ZNF676: variants seen among roughly 807,000 people sequenced by gnomAD.
The protein encoded by ZNF676 is zinc finger protein 676.
ZNF676 carries 4 observed loss-of-function variants against 6.0 expected under a neutral mutation model. The ratio of observed to expected loss-of-function variants is 0.67; its 90% CI spans 0.33 to 1.53. The LOEUF is 1.53. Among genes scored for constraint, ZNF676 ranks in the 40% most tolerant of loss-of-function variants. ZNF676 has a pLI of 0.06. For synonymous variants in ZNF676, 198 were observed against 223.1 expected, an observed-to-expected ratio of 0.89 and a Z score of 1.00; for missense variants, 644 against 679.7, an observed-to-expected ratio of 0.95 and a Z score of 0.58.
intron 1 of ZNF676, among the ~76,000 whole-genome samples, chr19:22,206,803 A>T (rs61545528): frequency 0.03 from 4,507 of 152,316 alleles, 229 homozygotes; most frequent in African/African-American, 0.1. Context: ...TACACGAATC[A>T]ATAAATGTGA....
Position 22,196,663 on chromosome 19 carries a change from A to C in ZNF676, c.-30T>G. The C allele has an allele frequency of 6.2e-7, 1 of 1,613,650 alleles. No individual in the cohort carries two copies. Among genetic ancestry groups the C allele is most frequent in the South Asian group, 1.1e-5 (1 of 91,046 alleles). On this transcript the variant is annotated 5_prime_UTR_variant, in exon 1 of 3. The change creates a new upstream start codon in the 5' untranslated region. Coordinates refer to ENST00000397121, the MANE Select transcript of ZNF676 (RefSeq NM_001001411.3). ...TTCCTATATAAATTCTGCTGTGTAG[A>C]ATCCAGGCATTGCCACTCCTCCAGA...
At position 22,182,950 on chromosome 19, in the gene ZNF676, G is replaced by A. The variant is rs76835339; in HGVS notation, c.131-1364C>T. Among the ~76,000 whole-genome samples the A allele has an allele frequency of 5.2e-3, 788 of 152,162 alleles. 8 individuals carry two copies. Among genetic ancestry groups the A allele is most frequent in the African/African-American group, 0.018 (754 of 41,536 alleles). On this transcript the variant is annotated intron_variant, in intron 2 of 2. Transcript: ENST00000397121. ...AGCACAGGAATTATTATAAACATCTGTTAATGAATATACAACATAAATAGA... is the reference window on the plus strand; with the variant it reads ...AGCACAGGAATTATTATAAACATCTATTAATGAATATACAACATAAATAGA...
exon 1 of ZNF676, chr19:22,215,662 C>T: frequency 6.2e-7 from 1 of 1,608,872 alleles, no homozygotes; most frequent in South Asian, 1.1e-5. Context: ...GTCCTGGCGA[C>T]TTAGTTGTGG....
the ZNF676 span, chr19:22,243,742 G>C: frequency 6.6e-6 from 1 of 152,260 alleles, no homozygotes; most frequent in Non-Finnish European, 1.5e-5. Context: ...ACAGGGTCTA[G>C]ATCAGAGAGT....
At chr19:22,259,273 A>G in the ZNF676 span, among the ~76,000 whole-genome samples, 13 of 152,204 alleles carry the variant, frequency 8.5e-5, no homozygotes, top group Admixed American at 8.5e-4. Context: ...GGCAGGACTC[A>G]GGAAGAAGAG....
chr19:22,210,207 A>C (rs1029341707), intron 1 of ZNF676, among the ~76,000 whole-genome samples: 3 of 152,030 alleles, frequency 2.0e-5, no homozygotes, highest in African/African-American at 2.4e-5. Context: ...TCTGGCACCA[A>C]ATCTGCAGAG....
chr19:22,187,886 C>G (rs1165905241), intron 2 of ZNF676, among the ~76,000 whole-genome samples: 1 of 152,008 alleles, frequency 6.6e-6, no homozygotes, highest in Non-Finnish European at 1.5e-5. Context: ...TATGGGCCTA[C>G]CAACCAAAAA....
At chr19:22,213,363 A>C (rs1334772437) in intron 1 of ZNF676, among the ~76,000 whole-genome samples, 1 of 152,166 alleles carries the variant, frequency 6.6e-6, no homozygotes, top group African/African-American at 2.4e-5. Flanking sequence ...TTTCCCCTTC[A>C]ATACCGGCAT....
upstream of ZNF676, among the ~76,000 whole-genome samples, chr19:22,200,322 A>C (rs2024012015): frequency 6.6e-6 from 1 of 152,076 alleles, no homozygotes; most frequent in Admixed American, 6.6e-5. Context: ...TAATAATAAC[A>C]ACTCTTCCAA....
intron 1 of ZNF676, among the ~76,000 whole-genome samples, chr19:22,204,232 G>C (rs138041713): frequency 6.6e-6 from 1 of 152,046 alleles, no homozygotes; most frequent in Non-Finnish European, 1.5e-5. Flanking sequence ...AACATCTACT[G>C]TAACAATTTA....
At chr19:22,185,703 T>G (rs957201660) in intron 2 of ZNF676, among the ~76,000 whole-genome samples, 1 of 151,998 alleles carries the variant, frequency 6.6e-6, no homozygotes, top group Admixed American at 6.5e-5. Context: ...CTGATGGAGA[T>G]GAAAAACACA....
At chr19:22,235,843 G>T in the ZNF676 span, among the ~76,000 whole-genome samples, 1,176 of 152,038 alleles carry the variant, frequency 7.7e-3, 24 homozygotes, top group African/African-American at 0.026. Context: ...ATTGCTTCTG[G>T]TGGGCCTTAT....
intron 1 of ZNF676, 52 bp from the exon 2 acceptor site, chr19:22,193,163 C>A: frequency 6.6e-7 from 1 of 1,517,684 alleles, no homozygotes; most frequent in Non-Finnish European, 8.9e-7. Flanking sequence ...CTCCAATTAC[C>A]AACTTAGTAA....
chr19:22,205,685 T>A (rs1200011947), intron 1 of ZNF676, among the ~76,000 whole-genome samples: 2 of 152,100 alleles, frequency 1.3e-5, no homozygotes, highest in East Asian at 3.9e-4. Context: ...TTTATATCAT[T>A]AAATCCTCAG....
At chr19:22,183,219 A>C (rs959251767) in intron 2 of ZNF676, among the ~76,000 whole-genome samples, 2 of 152,196 alleles carry the variant, frequency 1.3e-5, no homozygotes, top group Non-Finnish European at 2.9e-5. Context: ...AAAATGAGGG[A>C]CAAGATGAAA....
intron 2 of ZNF676, among the ~76,000 whole-genome samples, chr19:22,182,593 A>AAAAAAAAAAAAAAAAAAAAC (rs1356303631): frequency 2.7e-4 from 25 of 90,928 alleles, no homozygotes; most frequent in African/African-American, 7.7e-4. Flanking sequence ...TCTAAAAAAA[A>AAAAAAAAAAAAAAAAAAAAC]AAAAAAAAAG....
chr19:22,225,716 C>G, the ZNF676 span, among the ~76,000 whole-genome samples: 1 of 151,958 alleles, frequency 6.6e-6, no homozygotes, highest in East Asian at 1.9e-4. Flanking sequence ...TTTTGTGAGT[C>G]CTGTCAAATG....
the ZNF676 span, among the ~76,000 whole-genome samples, chr19:22,223,926 C>CT: frequency 2.0e-5 from 3 of 151,116 alleles, no homozygotes; most frequent in African/African-American, 7.3e-5. Context: ...AGCACATATT[C>CT]TTTAAGAATA....
the ZNF676 span, among the ~76,000 whole-genome samples, chr19:22,235,098 A>C: frequency 7.4e-6 from 1 of 134,498 alleles, no homozygotes; most frequent in African/African-American, 3.1e-5. Flanking sequence ...GGCAGGAAGA[A>C]GGAAGTCAGG....
Sources: allele counts gnomAD v4.1 joint callset (sites outside exome capture counted in the v4.1 genomes callset), GRCh38; gene constraint gnomAD v4.1.1; transcripts MANE v1.5; gene names NCBI Gene and HGNC (gene_info 2026-07-23, HGNC 2026-07-21).